The following NT5C2 variants were observed in gnomAD, a reference collection of about 807,000 sequenced individuals.
NT5C2 encodes cytosolic purine 5'-nucleotidase.
NT5C2 carries 58 observed loss-of-function variants against 76.1 expected under a neutral mutation model. That is an observed-to-expected ratio of 0.76 (90% CI 0.62 to 0.95). The LOEUF (loss-of-function observed/expected upper bound fraction) is 0.95. NT5C2 is among the 40% of genes least tolerant of loss of function. The pLI is 0.00. For synonymous variants in NT5C2, 229 were observed against 237.4 expected (o/e 0.96, Z 0.32); for missense variants, 478 against 690.3 (o/e 0.69, Z 3.45).
intron 3 of NT5C2, among the ~76,000 whole-genome samples, chr10:103,156,787 G>A (rs1375576910): frequency 1.3e-5 from 2 of 151,518 alleles, no homozygotes; most frequent in Non-Finnish European, 2.9e-5. Flanking sequence ...GCCAGGTACA[G>A]TGGCTCACGC....
chr10:103,148,808 T>G (rs2081951329), intron 3 of NT5C2, among the ~76,000 whole-genome samples: 1 of 152,098 alleles, frequency 6.6e-6, no homozygotes, highest in Non-Finnish European at 1.5e-5. Context: ...TGGAACAAAA[T>G]TTAAGATGAT....
chr10:103,119,605 A>G (rs1565048843), intron 4 of NT5C2, among the ~76,000 whole-genome samples: 1 of 152,204 alleles, frequency 6.6e-6, no homozygotes, highest in Non-Finnish European at 1.5e-5. Flanking sequence ...GTTTTGTACC[A>G]AAGACTTTTC....
chr10:103,132,556 T>C (rs1363160924), intron 4 of NT5C2, among the ~76,000 whole-genome samples: 1 of 152,142 alleles, frequency 6.6e-6, no homozygotes, highest in African/African-American at 2.4e-5. Flanking sequence ...AATTTCTTTT[T>C]TTTTTGAGAC....
chr10:103,145,294 A>T (rs2081282443), intron 3 of NT5C2, among the ~76,000 whole-genome samples: 1 of 152,180 alleles, frequency 6.6e-6, no homozygotes, highest in Non-Finnish European at 1.5e-5. Flanking sequence ...TTCAAGAGAA[A>T]CTAATCTCTT....
chr10:103,161,896 G>A (rs958106373), intron 3 of NT5C2, among the ~76,000 whole-genome samples: 4 of 152,172 alleles, frequency 2.6e-5, no homozygotes, highest in African/African-American at 7.2e-5. Context: ...GAAACGTGGA[G>A]TGGACTACTA....
chr10:103,191,994 T>C (rs1263293451), intron 1 of NT5C2, among the ~76,000 whole-genome samples: 1 of 152,090 alleles, frequency 6.6e-6, no homozygotes, highest in Admixed American at 6.6e-5. Flanking sequence ...CACCTATTTT[T>C]TTTCTCTTTT....
chr10:103,191,471 A>G (rs1014979339), intron 1 of NT5C2, among the ~76,000 whole-genome samples: 1 of 152,086 alleles, frequency 6.6e-6, no homozygotes, highest in Non-Finnish European at 1.5e-5. Context: ...AAACAGGAGA[A>G]ATAGCCTAGA....
In NT5C2 at chr10:103,176,946, TC is replaced by T. The variant is rs543463212; in HGVS notation, c.-24-1965del. ...CTGTAATGTGAAACAACTTGTCTTT[TC>T]TTCTCCCATTGTTATAAAACTTTTA... On this transcript the variant is annotated intron_variant, in intron 2 of 18. Transcript: ENST00000404739. Among the ~76,000 whole-genome samples, 29 of 152,296 alleles carry T rather than the reference TC, an allele frequency of 1.9e-4. No individual in the cohort carries two copies. The South Asian group carries it at 6.0e-3, about 32-fold the overall frequency.
intron 2 of NT5C2, among the ~76,000 whole-genome samples, chr10:103,180,946 T>C (rs1011093270): frequency 3.9e-5 from 6 of 152,052 alleles, no homozygotes; most frequent in Middle Eastern, 3.2e-3. Flanking sequence ...GAGTACATAG[T>C]GTATGATTCC....
At chr10:103,116,957 G>A (rs556121201) in intron 4 of NT5C2, among the ~76,000 whole-genome samples, 1 of 152,206 alleles carries the variant, frequency 6.6e-6, no homozygotes, top group African/African-American at 2.4e-5. Context: ...TGTTCTTTTG[G>A]TAAGATAGTA....
chr10:103,089,507 A>T lies in NT5C2; in HGVS notation c.*165T>A. The stretch of plus-strand genomic sequence containing the variant: ...TCTGCAGAGAGTACAGATACACAAA[A>T]CCAAAACAAGTATCTATGATAATAA... On this transcript the variant is annotated 3_prime_UTR_variant, in exon 19 of 19. Coordinates refer to ENST00000404739, the MANE Select transcript of NT5C2 (RefSeq NM_001351169.2). The T allele has an allele frequency of 7.6e-7, 1 of 1,310,406 alleles. No individual in the cohort carries two copies. The allele number at this position is 1,310,406 out of a possible 1,614,324, so 81.2% of individuals were successfully genotyped here.
chr10:103,138,455 A>C (rs953686649), intron 4 of NT5C2, among the ~76,000 whole-genome samples: 4 of 151,786 alleles, frequency 2.6e-5, no homozygotes, highest in Non-Finnish European at 5.9e-5. Flanking sequence ...GACAAGCCTC[A>C]GTGTGTGATG....
chr10:103,095,350 G>A (rs2067930066), intron 12 of NT5C2, among the ~76,000 whole-genome samples: 1 of 152,178 alleles, frequency 6.6e-6, no homozygotes, highest in Non-Finnish European at 1.5e-5. Context: ...GTGATTTCAG[G>A]TGTTCTCAAA....
At chr10:103,127,527 T>A (rs2076894494) in intron 4 of NT5C2, among the ~76,000 whole-genome samples, 2 of 152,222 alleles carry the variant, frequency 1.3e-5, no homozygotes. Flanking sequence ...GAACACTATG[T>A]GACACACTTC....
chr10:103,167,085 A>G (rs1474353912), intron 3 of NT5C2, among the ~76,000 whole-genome samples: 4 of 150,806 alleles, frequency 2.7e-5, no homozygotes, highest in Non-Finnish European at 5.9e-5. Flanking sequence ...GTAAAATCTC[A>G]GCTCACTGCA....
chr10:103,155,615 G>A (rs945212972), intron 3 of NT5C2, among the ~76,000 whole-genome samples: 1 of 152,116 alleles, frequency 6.6e-6, no homozygotes, highest in Non-Finnish European at 1.5e-5. Context: ...TATGAGCCCG[G>A]GAGGTCAAGG....
chr10:103,109,891 G>A (rs2072488412), intron 4 of NT5C2, among the ~76,000 whole-genome samples: 1 of 152,186 alleles, frequency 6.6e-6, no homozygotes, highest in Non-Finnish European at 1.5e-5. Flanking sequence ...ACAAATCCTA[G>A]AATAGCAGAA....
intron 3 of NT5C2, among the ~76,000 whole-genome samples, chr10:103,150,995 A>G (rs1214572399): frequency 1.3e-5 from 2 of 152,142 alleles, no homozygotes; most frequent in African/African-American, 4.8e-5. Context: ...TTTGTCTAAC[A>G]ATTTTTATTC....
chr10:103,122,209 G>A (rs2075802975), intron 4 of NT5C2, among the ~76,000 whole-genome samples: 1 of 152,124 alleles, frequency 6.6e-6, no homozygotes, highest in Non-Finnish European at 1.5e-5. Flanking sequence ...TTCTAATACA[G>A]TACTTATATA....
Sources: allele counts gnomAD v4.1 joint callset (sites outside exome capture counted in the v4.1 genomes callset), GRCh38; gene constraint gnomAD v4.1.1; transcripts MANE v1.5; gene names NCBI Gene and HGNC (gene_info 2026-07-23, HGNC 2026-07-21).